The following ANKRD46 variants were observed in gnomAD, a reference collection of about 807,000 sequenced individuals.
The protein encoded by ANKRD46 is ankyrin repeat domain 46.
In ANKRD46, 13 loss-of-function variants were observed where a neutral mutation model predicts 19.8. The ratio of observed to expected loss-of-function variants is 0.66; its 90% CI spans 0.43 to 1.04. The LOEUF is 1.04. ANKRD46 is among the 50% of genes least tolerant of loss of function. The pLI is 0.00. For synonymous variants in ANKRD46, 91 were observed against 106.9 expected (o/e 0.85, Z 0.92); for missense variants, 185 against 274.8 (o/e 0.67, Z 2.31).
chr8:100,516,460 G>T (rs1021593687), downstream of ANKRD46, among the ~76,000 whole-genome samples: 2 of 152,108 alleles, frequency 1.3e-5, no homozygotes, highest in African/African-American at 4.8e-5. Flanking sequence ...GTAATTTTAT[G>T]GTAGTCCTAT....
chr8:100,510,402 G>A lies in ANKRD46; in HGVS notation c.*175C>T. 3.8e-6 allele frequency: 2 copies of A among 524,564 alleles called. No individual in the cohort carries two copies. The highest frequency in any genetic ancestry group is 3.1e-5 in the East Asian group (1 of 32,262). The allele number at this position is 524,564 out of a possible 1,614,324, so 32.5% of individuals were successfully genotyped here. A position where few individuals can be genotyped will look rare whatever the true frequency, so the allele number is the denominator to read the frequency against. ...CCGGGCTGCCTGCAGGGCAGGACTGGAGAGGAGGGGACAGGTGGTAGCAGG... is the reference window on the plus strand; with the variant it reads ...CCGGGCTGCCTGCAGGGCAGGACTGAAGAGGAGGGGACAGGTGGTAGCAGG... On this transcript the variant is annotated 3_prime_UTR_variant, in exon 6 of 6. Transcript: ENST00000520552. The surrounding 1 kb of genome is among the most constrained non-coding windows in gnomAD (Gnocchi z 4.9).
intron 5 of ANKRD46, among the ~76,000 whole-genome samples, chr8:100,515,196 C>T (rs1811609795): frequency 6.6e-6 from 1 of 152,060 alleles, no homozygotes; most frequent in Admixed American, 6.6e-5. Context: ...TCACTTGAAT[C>T]AAAAGTATGC....
Position 100,543,602 on chromosome 8 carries a change from A to G in ANKRD46, c.-130-10291T>C, listed in dbSNP as rs74689560. Among the ~76,000 whole-genome samples the G allele has an allele frequency of 0.017, 2,517 of 152,304 alleles. 73 individuals are homozygous for G. Among genetic ancestry groups the G allele is most frequent in the African/African-American group, 0.058 (2,399 of 41,556 alleles). ...AGAAGATAATGGCTTCACAGTCTTCAAACAATAGGAGAGTAAGTTTCTTGT... is the reference window on the plus strand; with the variant it reads ...AGAAGATAATGGCTTCACAGTCTTCGAACAATAGGAGAGTAAGTTTCTTGT... On this transcript the variant is annotated intron_variant, in intron 1 of 4. Transcript: ENST00000335659. The surrounding 1 kb of genome is among the most constrained non-coding windows in gnomAD (Gnocchi z 4.2).
chr8:100,552,836 A>T (rs1812421811), intron 1 of ANKRD46, among the ~76,000 whole-genome samples: 1 of 152,238 alleles, frequency 6.6e-6, no homozygotes, highest in Non-Finnish European at 1.5e-5. Context: ...TCAATAAAGG[A>T]TCTTTTTAAG....
In ANKRD46 at chr8:100,522,892, CACACACACACACATATAT is replaced by C. The variant is rs760350477; in HGVS notation, c.471-139_471-122del. On this transcript the variant is annotated intron_variant, in intron 4 of 4. Transcript: ENST00000335659. Reference sequence around the variant, plus strand: ...ACACACACACACACACACACACACACACACACACACACATATATATATATACACACTCTTACATGCTTA... The same window carrying C: ...ACACACACACACACACACACACACACATATATACACACTCTTACATGCTTA... The C allele has an allele frequency of 1.4e-3, 827 of 572,906 alleles. 13 individuals are homozygous for C. The highest frequency in any genetic ancestry group is 1.8e-3 in the Non-Finnish European group (606 of 335,616). The allele number at this position is 572,906 out of a possible 1,614,324, so 35.5% of individuals were successfully genotyped here.
At position 100,521,898 on chromosome 8, in the gene ANKRD46, G is replaced by A. The variant is rs1274718494; in HGVS notation, c.*657C>T. The A allele has an allele frequency of 4.1e-6, 4 of 984,614 alleles. No individual in the cohort carries two copies. In the East Asian group the frequency reaches 4.5e-4, roughly 112 times the overall value. 61.0% of individuals were successfully genotyped at this position (984,614 alleles called of 1,614,324 possible). On this transcript the variant is annotated 3_prime_UTR_variant, in exon 5 of 5. Coordinates refer to ENST00000335659, the MANE Select transcript of ANKRD46 (RefSeq NM_001270377.2). ...TTCACAGATATTAACAAGCAAAGCA[G>A]TTTACAAAAAGATCAAAAATTATCC...
At chr8:100,515,959 C>T (rs937979252), downstream of ANKRD46, among the ~76,000 whole-genome samples, 1 of 151,866 alleles carries the variant, frequency 6.6e-6, no homozygotes, top group African/African-American at 2.4e-5. Flanking sequence ...GCAACCTCCA[C>T]CTCCCAGATT....
intron 1 of ANKRD46, among the ~76,000 whole-genome samples, chr8:100,542,717 C>A (rs936886972): frequency 2.6e-5 from 4 of 152,004 alleles, no homozygotes; most frequent in African/African-American, 7.3e-5. Flanking sequence ...GTTTTCTAGC[C>A]TAGTTCATGA....
At chr8:100,542,100 C>G (rs1812186303) in intron 1 of ANKRD46, among the ~76,000 whole-genome samples, 1 of 151,966 alleles carries the variant, frequency 6.6e-6, no homozygotes, top group Non-Finnish European at 1.5e-5. Context: ...TGGACAAGGG[C>G]CCTCCTCCCT....
chr8:100,547,252 G>C (rs913644182), intron 1 of ANKRD46, among the ~76,000 whole-genome samples: 2 of 152,134 alleles, frequency 1.3e-5, no homozygotes, highest in African/African-American at 4.8e-5. Flanking sequence ...CATGTCAAGG[G>C]AGGGACCTGG....
In ANKRD46 at chr8:100,511,695, C is replaced by T. The variant is rs1811549713; in HGVS notation, c.637-1056G>A. Among the ~76,000 whole-genome samples the T allele has an allele frequency of 6.6e-6, 1 of 152,176 alleles. No homozygotes were observed. The highest frequency in any genetic ancestry group is 2.4e-5 in the African/African-American group (1 of 41,434). On this transcript the variant is annotated intron_variant, in intron 5 of 5. Coordinates refer to the ANKRD46 transcript ENST00000520552. This position sits in a 1 kb window ranked among gnomAD's most constrained non-coding sequence, Gnocchi z 4.1. ...TGTAAACCAATAAACCAAAGTTAGGCTGTTGGCTGAGTCATTAGGGCTCCA... is the reference window on the plus strand; with the variant it reads ...TGTAAACCAATAAACCAAAGTTAGGTTGTTGGCTGAGTCATTAGGGCTCCA...
intron 1 of ANKRD46, among the ~76,000 whole-genome samples, chr8:100,549,588 G>C (rs1204753123): frequency 6.6e-6 from 1 of 151,826 alleles, no homozygotes; most frequent in Non-Finnish European, 1.5e-5. Context: ...TTATTTTTTA[G>C]ACCAGTTTTA....
rs1015436967 is a variant in ANKRD46, at chr8:100,553,681, G to A, written c.-131+6030C>T. Among the ~76,000 whole-genome samples, 4 of 152,080 alleles carry A rather than the reference G, an allele frequency of 2.6e-5. No individual in the cohort carries two copies. The South Asian group carries it at 8.3e-4, about 31-fold the overall frequency. On this transcript the variant is annotated intron_variant, in intron 1 of 4. Transcript: ENST00000335659. ...GGAGAATCGCTTCAACCCAGGAGGC[G>A]GAAGCTACAGTGAGCTGAGGTTGCA... is the stretch of plus-strand genomic sequence containing the variant.
chr8:100,550,961 T>C lies in ANKRD46; in HGVS notation c.-131+8750A>G. 2 of 587,728 alleles carry C rather than the reference T, an allele frequency of 3.4e-6. No homozygotes were observed. The highest frequency in any genetic ancestry group is 6.4e-6 in the Non-Finnish European group (2 of 314,340). 36.4% of individuals were successfully genotyped at this position (587,728 alleles called of 1,614,324 possible). A position where few individuals can be genotyped will look rare whatever the true frequency, so the allele number is the denominator to read the frequency against. On this transcript the variant is annotated intron_variant, in intron 1 of 4. Transcript: ENST00000335659. The surrounding 1 kb of genome is among the most constrained non-coding windows in gnomAD (Gnocchi z 4.4). ...CACCACCTTTTTGATGTCATCATAT[T>C]TGGCAGGTTTCTCCAGATGGCAGGT...
chr8:100,546,903 T>C lies in ANKRD46; in HGVS notation c.-131+12808A>G, dbSNP rs1812283950. Among the ~76,000 whole-genome samples the C allele has an allele frequency of 6.6e-6, 1 of 152,224 alleles. No individual in the cohort carries two copies. The highest frequency in any genetic ancestry group is 2.1e-4 in the South Asian group (1 of 4,834). ...ATGACTGCCTGGCTGGGTTTCAGAC[T>C]TGCATGAGGCCTGAGGCCCCTTTGT... On this transcript the variant is annotated intron_variant, in intron 1 of 4. Transcript: ENST00000335659. This position sits in a 1 kb window ranked among gnomAD's most constrained non-coding sequence, Gnocchi z 4.0.
chr8:100,543,042 A>C lies in ANKRD46; in HGVS notation c.-130-9731T>G, dbSNP rs1812203827. The stretch of plus-strand genomic sequence containing the variant: ...TGGAGAATCTTTCAGAAACGGGAAA[A>C]GAAGATGACAAGTTCCTATATCAGT... On this transcript the variant is annotated intron_variant, in intron 1 of 4. Transcript: ENST00000335659. The surrounding 1 kb of genome is among the most constrained non-coding windows in gnomAD (Gnocchi z 4.2). Among the ~76,000 whole-genome samples the C allele has an allele frequency of 6.6e-6, 1 of 152,174 alleles. No individual in the cohort carries two copies. Among genetic ancestry groups the C allele is most frequent in the African/African-American group, 2.4e-5 (1 of 41,452 alleles).
At chr8:100,520,080 G>A (rs1811695657), downstream of ANKRD46, among the ~76,000 whole-genome samples, 1 of 152,112 alleles carries the variant, frequency 6.6e-6, no homozygotes. Flanking sequence ...CAAAATACAA[G>A]TAATAAAACT....
intron 1 of ANKRD46, among the ~76,000 whole-genome samples, chr8:100,535,901 A>G (rs1284103812): frequency 6.6e-6 from 1 of 152,318 alleles, no homozygotes; most frequent in East Asian, 1.9e-4. Context: ...CTCTAGGATA[A>G]ATGGTCAGGA....
Position 100,521,921 on chromosome 8 carries a change from T to C in ANKRD46, c.*634A>G. 1 of 982,844 alleles carries C rather than the reference T, an allele frequency of 1.0e-6. No homozygotes were observed. The highest frequency in any genetic ancestry group is 1.2e-6 in the Non-Finnish European group (1 of 827,670). 60.9% of individuals were successfully genotyped at this position (982,844 alleles called of 1,614,324 possible). A position where few individuals can be genotyped will look rare whatever the true frequency, so the allele number is the denominator to read the frequency against. ...CAGTTTACAAAAAGATCAAAAATTA[T>C]CCTAAAAACAAATAAATATAAGATC... On this transcript the variant is annotated 3_prime_UTR_variant, in exon 5 of 5. Transcript: ENST00000335659.
Sources: allele counts gnomAD v4.1 joint callset (sites outside exome capture counted in the v4.1 genomes callset), GRCh38; gene constraint gnomAD v4.1.1; non-coding constraint Gnocchi (gnomAD v3.1); transcripts MANE v1.5; gene names NCBI Gene and HGNC (gene_info 2026-07-23, HGNC 2026-07-21).